The following OTOGL variants were observed in gnomAD, a reference collection of about 807,000 sequenced individuals.
OTOGL encodes the protein otogelin like.
A neutral mutation model predicts 318.5 loss-of-function variants in OTOGL; 285 were observed. The ratio of observed to expected loss-of-function variants is 0.89; its 90% CI spans 0.81 to 0.99. The LOEUF (loss-of-function observed/expected upper bound fraction) is 0.99. OTOGL is among the 50% of genes least tolerant of loss of function. OTOGL has a pLI of 0.00. For synonymous variants in OTOGL, 987 were observed against 936.5 expected (o/e 1.05, Z -0.99); for missense variants, 2,899 against 2,845.6 (o/e 1.02, Z -0.43).
chr12:80,216,472 G>C (rs1877729838), intron 4 of OTOGL, among the ~76,000 whole-genome samples: 1 of 152,166 alleles, frequency 6.6e-6, no homozygotes, highest in Non-Finnish European at 1.5e-5. Flanking sequence ...ATCCACAATT[G>C]ATTAGTTTTA....
At chr12:80,222,293 A>G (rs775231664) in intron 7 of OTOGL, 48 bp downstream of exon 7, 1 of 1,463,676 alleles carries the variant, frequency 6.8e-7, no homozygotes, top group Non-Finnish European at 9.2e-7. Flanking sequence ...ATCTCTGGAA[A>G]AGTATGTATT....
rs1451103 is a variant in OTOGL, at chr12:80,370,876, G to A, written c.6735+187G>A. ...TTTTGAGTTATATACGGCGTTCCAG[G>A]TAATTCTGTCTTGAATAGATACTGT... On this transcript the variant is annotated intron_variant, in intron 56 of 58. Coordinates refer to ENST00000547103, the MANE Select transcript of OTOGL (RefSeq NM_001378609.3). The A allele has an allele frequency of 0.77, 285,276 of 368,452 alleles. 113,525 individuals carry two copies. Among genetic ancestry groups the A allele is most frequent in the Non-Finnish European group, 0.84 (181,932 of 216,264 alleles). 22.8% of individuals were successfully genotyped at this position (368,452 alleles called of 1,614,324 possible).
chr12:80,178,148 C>A (rs1040619903), intron 1 of OTOGL, among the ~76,000 whole-genome samples: 1 of 143,742 alleles, frequency 7.0e-6, no homozygotes, highest in Non-Finnish European at 1.5e-5. Context: ...GCAGCCTCTG[C>A]CTCCTGGGTT....
rs763394134 is a variant in OTOGL, at chr12:80,367,687, G to T, written c.6458G>T (p.Gly2153Val). The change falls in exon 54 of 59, where the codon GGC (glycine) becomes GTC (valine). Residue 2153 changes from glycine to valine, a missense_variant. By Grantham distance (109) the Gly-to-Val change is moderately radical (BLOSUM62 -3). This residue lies in a region of OTOGL where 289 missense variants were observed against 304.6 expected (regional missense o/e 0.95). Transcript: ENST00000547103. ...CTGGAAGAAAAAGATAACCATACGG[G>T]CTTTCACACTCTGAATTTTACACTG... ...ECLEEKDNHTGFHTLNFTLVN... is the reference protein window; with the variant it reads ...ECLEEKDNHTVFHTLNFTLVN... 4 of 1,466,862 alleles carry T rather than the reference G, an allele frequency of 2.7e-6. No homozygotes were observed. The highest frequency in any genetic ancestry group is 3.6e-6 in the Non-Finnish European group (4 of 1,105,712). The allele number at this position is 1,466,862 out of a possible 1,614,324, so 90.9% of individuals were successfully genotyped here. A position where few individuals can be genotyped will look rare whatever the true frequency, so the allele number is the denominator to read the frequency against.
At chr12:80,334,768 G>T (rs1888289779) in intron 38 of OTOGL, among the ~76,000 whole-genome samples, 1 of 152,138 alleles carries the variant, frequency 6.6e-6, no homozygotes, top group Non-Finnish European at 1.5e-5. Flanking sequence ...AATGTGAGTT[G>T]CTGGTGACCT....
chr12:80,117,734 T>G (rs761094370), intron 1 of OTOGL, among the ~76,000 whole-genome samples: 1 of 152,198 alleles, frequency 6.6e-6, no homozygotes, highest in Non-Finnish European at 1.5e-5. Flanking sequence ...TTCTACCTAG[T>G]TCTGTTTTGT....
At chr12:80,211,567 T>C (rs926979030) in intron 3 of OTOGL, among the ~76,000 whole-genome samples, 6 of 152,318 alleles carry the variant, frequency 3.9e-5, no homozygotes, top group Admixed American at 6.5e-5. Flanking sequence ...AATTAAGTAC[T>C]GTTTGAACAA....
chr12:80,285,983 A>G (rs112717435), intron 26 of OTOGL, among the ~76,000 whole-genome samples: 1 of 152,152 alleles, frequency 6.6e-6, no homozygotes, highest in Non-Finnish European at 1.5e-5. Flanking sequence ...GTTTTTGCCC[A>G]TTCAGTATGA....
At chr12:80,221,990 A>C (rs1878388097) in intron 6 of OTOGL, 101 bp from the exon 7 acceptor site, 1 of 1,316,430 alleles carries the variant, frequency 7.6e-7, no homozygotes, top group Admixed American at 2.4e-5. Flanking sequence ...CCAAGGAAGG[A>C]AATTTGAATG....
chr12:80,205,698 G>A (rs1405049475), intron 1 of OTOGL, among the ~76,000 whole-genome samples: 3 of 152,112 alleles, frequency 2.0e-5, no homozygotes, highest in Non-Finnish European at 4.4e-5. Context: ...AATGTGTTAG[G>A]TTTAGTAACA....
At chr12:80,209,379 C>A (rs1877062178) in intron 1 of OTOGL, 34 bp from the exon 2 acceptor site, 4 of 1,201,572 alleles carry the variant, frequency 3.3e-6, no homozygotes, top group Admixed American at 5.3e-5. Context: ...AAGATGCCAT[C>A]ATAATAAAGA....
chr12:80,296,772 A>G (rs1885427312), intron 26 of OTOGL, 55 bp from the exon 27 acceptor site: 1 of 1,214,208 alleles, frequency 8.2e-7, no homozygotes, highest in African/African-American at 1.5e-5. Flanking sequence ...AAAAATAACT[A>G]AAAATAATAT....
chr12:80,244,268 C>A (rs1880662768), intron 11 of OTOGL, among the ~76,000 whole-genome samples: 1 of 150,080 alleles, frequency 6.7e-6, no homozygotes, highest in East Asian at 2.0e-4. Flanking sequence ...GCGCTGCACC[C>A]ACTAACTCAT....
intron 1 of OTOGL, among the ~76,000 whole-genome samples, chr12:80,151,462 A>G (rs940738560): frequency 3.3e-5 from 5 of 152,186 alleles, no homozygotes; most frequent in Non-Finnish European, 5.9e-5. Context: ...TTACAAGCTC[A>G]TGGTCAACTT....
chr12:80,349,035 T>A lies in OTOGL; in HGVS notation c.5266-3260T>A, dbSNP rs141726565. The stretch of plus-strand genomic sequence containing the variant: ...AATAAATGATAAAAGTGTTCATCAG[T>A]TAATAAGTAAGTAGAGGATACAGAA... On this transcript the variant is annotated intron_variant, in intron 44 of 58. Coordinates refer to ENST00000547103, the MANE Select transcript of OTOGL (RefSeq NM_001378609.3). 3.8e-3 allele frequency among the ~76,000 whole-genome samples: 578 copies of A among 152,274 alleles called. 4 individuals are homozygous for A. Among genetic ancestry groups the A allele is most frequent in the African/African-American group, 0.013 (540 of 41,554 alleles).
chr12:80,150,137 G>A (rs1161686518), intron 1 of OTOGL, among the ~76,000 whole-genome samples: 1 of 152,150 alleles, frequency 6.6e-6, no homozygotes, highest in Non-Finnish European at 1.5e-5. Context: ...ATTATAGAAA[G>A]GACTTTGCTC....
intron 26 of OTOGL, among the ~76,000 whole-genome samples, chr12:80,289,668 A>T (rs1592662618): frequency 6.6e-6 from 1 of 152,140 alleles, no homozygotes; most frequent in African/African-American, 2.4e-5. Flanking sequence ...GCCCAGTCCA[A>T]ACTTCCCAGT....
intron 1 of OTOGL, among the ~76,000 whole-genome samples, chr12:80,114,400 G>T (rs903254929): frequency 6.6e-6 from 1 of 152,090 alleles, no homozygotes; most frequent in Non-Finnish European, 1.5e-5. Context: ...ATGAAATTCT[G>T]GGTTGAAAAT....
chr12:80,310,772 C>T, intron 30 of OTOGL, 45 bp downstream of exon 30: 6 of 1,451,638 alleles, frequency 4.1e-6, no homozygotes, highest in African/African-American at 1.4e-5. Context: ...ATATGTTCTA[C>T]TGTGTCTATA....
Sources: allele counts gnomAD v4.1 joint callset (sites outside exome capture counted in the v4.1 genomes callset), GRCh38; gene constraint gnomAD v4.1.1; regional missense constraint gnomAD v4.1.1; transcripts MANE v1.5; gene names NCBI Gene and HGNC (gene_info 2026-07-23, HGNC 2026-07-21).